The following TDRD7 variants were observed in gnomAD, a reference collection of about 807,000 sequenced individuals.
The protein encoded by TDRD7 is tudor domain containing 7.
TDRD7 carries 47 observed loss-of-function variants against 109.8 expected under a neutral mutation model. That is an observed-to-expected ratio of 0.43 (90% CI 0.34 to 0.55). The LOEUF (loss-of-function observed/expected upper bound fraction) is 0.55, where lower values mean the gene tolerates loss of function less well. Among genes scored for constraint, TDRD7 ranks in the 20% least tolerant of loss-of-function variants. The pLI is 0.03. For missense variants in TDRD7, 1,164 were observed against 1,319.2 expected (o/e 0.88, Z 1.82); for synonymous variants, 424 against 457.3 (o/e 0.93, Z 0.93).
intron 1 of TDRD7, among the ~76,000 whole-genome samples, chr9:97,421,043 G>A (rs1827890762): frequency 6.6e-6 from 1 of 151,724 alleles, no homozygotes; most frequent in Admixed American, 6.6e-5. Context: ...GCTGAGACAG[G>A]AGAATTGCTT....
chr9:97,447,120 A>C (rs1828414821), intron 6 of TDRD7, among the ~76,000 whole-genome samples: 1 of 152,236 alleles, frequency 6.6e-6, no homozygotes, highest in Non-Finnish European at 1.5e-5. Flanking sequence ...AGTAGAAAAA[A>C]GATAAAATAG....
rs998633338 is a variant in TDRD7, at chr9:97,481,067, A to G, written c.2412+129A>G. On this transcript the variant is annotated intron_variant, in intron 14 of 16. Transcript: ENST00000355295. ...CTTCCACATCCAACACATTTTTTAT[A>G]TTCAGCAAATTGGCTACATGTGTAG... is the stretch of plus-strand genomic sequence containing the variant. The G allele has an allele frequency of 5.1e-6, 4 of 776,996 alleles. No individual in the cohort carries two copies. The East Asian group carries it at 1.0e-4, about 20-fold the overall frequency. 48.1% of individuals were successfully genotyped at this position (776,996 alleles called of 1,614,324 possible).
intron 16 of TDRD7, among the ~76,000 whole-genome samples, chr9:97,491,569 G>T (rs1829309959): frequency 6.6e-6 from 1 of 152,182 alleles, no homozygotes; most frequent in African/African-American, 2.4e-5. Context: ...ATGTTATGTA[G>T]TCCTATGATT....
intron 6 of TDRD7, among the ~76,000 whole-genome samples, chr9:97,455,890 G>A (rs1322178474): frequency 2.0e-5 from 3 of 152,298 alleles, no homozygotes. Flanking sequence ...AGTTGTCTCT[G>A]TTTGCAGATG....
At chr9:97,414,009 A>T (rs750730762) in intron 1 of TDRD7, among the ~76,000 whole-genome samples, 1 of 152,088 alleles carries the variant, frequency 6.6e-6, no homozygotes, top group Non-Finnish European at 1.5e-5. Context: ...ATATAATCCA[A>T]CCCCGAGTGC....
At chr9:97,450,992 A>G (rs1029987801) in intron 6 of TDRD7, among the ~76,000 whole-genome samples, 1 of 151,348 alleles carries the variant, frequency 6.6e-6, no homozygotes, top group African/African-American at 2.4e-5. Context: ...AGACCAACGC[A>G]TGATTAGAGG....
chr9:97,447,386 T>C (rs1260985744), intron 6 of TDRD7, among the ~76,000 whole-genome samples: 1 of 152,182 alleles, frequency 6.6e-6, no homozygotes, highest in Non-Finnish European at 1.5e-5. Context: ...ATAAAATATA[T>C]AAAGCAGCTA....
At chr9:97,430,846 T>C (rs1007099605) in intron 2 of TDRD7, 87 bp from the exon 3 acceptor site, 4 of 1,528,726 alleles carry the variant, frequency 2.6e-6, no homozygotes, top group Admixed American at 3.3e-5. Context: ...ATATGTAGGC[T>C]CACTAAGATC....
chr9:97,491,130 C>G (rs1829302534), intron 16 of TDRD7, among the ~76,000 whole-genome samples: 1 of 152,096 alleles, frequency 6.6e-6, no homozygotes, highest in Non-Finnish European at 1.5e-5. Flanking sequence ...GTTGGCCAGA[C>G]TGGTCTCGAA....
chr9:97,442,489 T>C (rs1475537606), intron 6 of TDRD7, among the ~76,000 whole-genome samples: 1 of 152,224 alleles, frequency 6.6e-6, no homozygotes, highest in African/African-American at 2.4e-5. Flanking sequence ...TGGATCAGCA[T>C]AGTTTATTAA....
At chr9:97,431,888 A>G (rs1179941322) in intron 3 of TDRD7, 137 bp from the exon 4 acceptor site, 13 of 814,614 alleles carry the variant, frequency 1.6e-5, no homozygotes, top group South Asian at 1.5e-4. Flanking sequence ...CCAGCCCTCC[A>G]GTGGCAACCT....
intron 16 of TDRD7, among the ~76,000 whole-genome samples, chr9:97,495,090 A>G (rs953379036): frequency 2.0e-5 from 3 of 152,130 alleles, no homozygotes; most frequent in Non-Finnish European, 2.9e-5. Flanking sequence ...ATCTGATCCA[A>G]TCAGGTTCTT....
Position 97,441,694 on chromosome 9 carries a change from A to G in TDRD7, c.674A>G (p.Lys225Arg), listed in dbSNP as rs767234996. 1 of 1,612,804 alleles carries G rather than the reference A, an allele frequency of 6.2e-7. No individual in the cohort carries two copies. The highest frequency in any genetic ancestry group is 8.5e-7 in the Non-Finnish European group (1 of 1,179,750). ...LNQTVEKPNV[K>R]PPASYTYKMD... ...CAGACTGTTGAAAAACCCAATGTCAAGCCTCCTGCCTCTTACACTTATAAA... is the reference window on the plus strand; with the variant it reads ...CAGACTGTTGAAAAACCCAATGTCAGGCCTCCTGCCTCTTACACTTATAAA... Residue 225 changes from lysine to arginine, a missense_variant, in exon 6 of 17, where the codon AAG (lysine) becomes AGG (arginine). Physicochemically the swap from Lys to Arg is conservative, Grantham distance 26. Transcript: ENST00000355295.
At chr9:97,488,177 G>C (rs896579554) in intron 16 of TDRD7, among the ~76,000 whole-genome samples, 2 of 152,194 alleles carry the variant, frequency 1.3e-5, no homozygotes, top group African/African-American at 4.8e-5. Flanking sequence ...TGAACAGCTG[G>C]ATGAAGCTCA....
intron 16 of TDRD7, among the ~76,000 whole-genome samples, chr9:97,492,739 T>A (rs982728851): frequency 6.6e-6 from 1 of 152,228 alleles, no homozygotes; most frequent in Non-Finnish European, 1.5e-5. Context: ...GCCTTCTTTC[T>A]TCCTTTTGAC....
chr9:97,424,274 T>C (rs1001010101), intron 1 of TDRD7, among the ~76,000 whole-genome samples: 1 of 152,022 alleles, frequency 6.6e-6, no homozygotes, highest in Non-Finnish European at 1.5e-5. Flanking sequence ...CAGACTGATC[T>C]TGAACTCCCA....
intron 6 of TDRD7, among the ~76,000 whole-genome samples, chr9:97,445,376 C>T (rs1273741698): frequency 6.6e-6 from 1 of 152,188 alleles, no homozygotes; most frequent in African/African-American, 2.4e-5. Context: ...AGACATGGTC[C>T]TTGCCCTTAT....
intron 16 of TDRD7, among the ~76,000 whole-genome samples, chr9:97,492,398 C>A (rs1486284926): frequency 6.6e-6 from 1 of 152,212 alleles, no homozygotes; most frequent in Non-Finnish European, 1.5e-5. Flanking sequence ...TTAAACTCAG[C>A]ACTCTGCCTC....
chr9:97,487,741 T>C (rs996528591), intron 16 of TDRD7, among the ~76,000 whole-genome samples: 1 of 152,172 alleles, frequency 6.6e-6, no homozygotes, highest in Non-Finnish European at 1.5e-5. Flanking sequence ...TTGATGAACA[T>C]TTTTATTGTA....
Sources: allele counts gnomAD v4.1 joint callset (sites outside exome capture counted in the v4.1 genomes callset), GRCh38; gene constraint gnomAD v4.1.1; transcripts MANE v1.5; gene names NCBI Gene and HGNC (gene_info 2026-07-23, HGNC 2026-07-21).